CREB5: variants seen among roughly 807,000 people sequenced by gnomAD.
CREB5 encodes the protein cyclic AMP-responsive element-binding protein 5.
A neutral mutation model predicts 57.1 loss-of-function variants in CREB5; 19 were observed. That is an observed-to-expected ratio of 0.33 (90% CI 0.23 to 0.49). The LOEUF is 0.49. Ranked by LOEUF, CREB5 falls within the 20% of genes least tolerant of loss-of-function variation. CREB5 has a pLI of 0.99. For missense variants in CREB5, 579 were observed against 671.6 expected, an observed-to-expected ratio of 0.86 and a Z score of 1.52; for synonymous variants, 238 against 238.3, an observed-to-expected ratio of 1.00 and a Z score of 0.01.
At chr7:28,510,277 T>G (rs1000597216) in intron 4 of CREB5, among the ~76,000 whole-genome samples, 3 of 152,234 alleles carry the variant, frequency 2.0e-5, no homozygotes, top group African/African-American at 4.8e-5. Flanking sequence ...TATCATTTTT[T>G]AGTATTCTTT....
At chr7:28,551,841 C>CTTTG (rs755343423) in intron 4 of CREB5, among the ~76,000 whole-genome samples, 12,855 of 146,996 alleles carry the variant, frequency 0.087, 652 homozygotes, top group South Asian at 0.14. Context: ...TTCTTTCTTT[C>CTTTG]TTTTTCTTTC....
intron 1 of CREB5, among the ~76,000 whole-genome samples, chr7:28,339,358 G>C (rs1429543151): frequency 6.6e-6 from 1 of 152,206 alleles, no homozygotes; most frequent in Non-Finnish European, 1.5e-5. Context: ...CTCAAGCCCA[G>C]TAACACTACG....
intron 1 of CREB5, among the ~76,000 whole-genome samples, chr7:28,386,939 G>T (rs924483203): frequency 4.6e-5 from 7 of 152,094 alleles, no homozygotes; most frequent in African/African-American, 1.7e-4. Flanking sequence ...AGTATTCCAT[G>T]GTGTGTATAT....
intron 1 of CREB5, among the ~76,000 whole-genome samples, chr7:28,326,203 A>G (rs1048367254): frequency 7.6e-6 from 1 of 131,752 alleles, no homozygotes; most frequent in Non-Finnish European, 1.8e-5. Flanking sequence ...CTATCTATCT[A>G]TCTATCTACC....
At chr7:28,702,759 T>C (rs1431633918) in intron 5 of CREB5, among the ~76,000 whole-genome samples, 1 of 152,242 alleles carries the variant, frequency 6.6e-6, no homozygotes, top group Non-Finnish European at 1.5e-5. Context: ...GGGGCCTATG[T>C]GACCCTTTAA....
chr7:28,818,804 A>G (rs1283148382), intron 10 of CREB5: 1 of 494,156 alleles, frequency 2.0e-6, no homozygotes. Context: ...GTATTTTTCC[A>G]CATTTGATAT....
chr7:28,302,418 G>T (rs113154317), intron 1 of CREB5, among the ~76,000 whole-genome samples: 2 of 152,146 alleles, frequency 1.3e-5, no homozygotes, highest in Admixed American at 6.5e-5. Context: ...GGACTTTAAT[G>T]TGTTTTTGTC....
chr7:28,371,406 T>G (rs1406512215), intron 1 of CREB5, among the ~76,000 whole-genome samples: 1 of 151,098 alleles, frequency 6.6e-6, no homozygotes, highest in Non-Finnish European at 1.5e-5. Context: ...GGAGAATAGC[T>G]TGCACCCAGG....
chr7:28,533,225 G>A (rs1793805315), intron 4 of CREB5, among the ~76,000 whole-genome samples: 1 of 152,064 alleles, frequency 6.6e-6, no homozygotes, highest in Non-Finnish European at 1.5e-5. Flanking sequence ...AAAAGAAAGA[G>A]CCAGCCTTTA....
At position 28,463,809 on chromosome 7, in the gene CREB5, C is replaced by T. The variant is rs532231925; in HGVS notation, c.4-24366C>T. ...ACACATTTGTTGGTCTCAATAGTTT[C>T]TTTTTTTAGTTGGATAATTCCTTAG... is the stretch of plus-strand genomic sequence containing the variant. On this transcript the variant is annotated intron_variant, in intron 1 of 10. Coordinates refer to ENST00000357727, the MANE Select transcript of CREB5 (RefSeq NM_182898.4). Among the ~76,000 whole-genome samples the T allele has an allele frequency of 6.6e-5, 10 of 152,122 alleles. No individual in the cohort carries two copies. In the South Asian group the frequency reaches 2.1e-3, roughly 32 times the overall value.
chr7:28,761,605 A>C (rs1805657905), intron 7 of CREB5, among the ~76,000 whole-genome samples: 1 of 152,186 alleles, frequency 6.6e-6, no homozygotes, highest in Admixed American at 6.5e-5. Flanking sequence ...TACCAATATC[A>C]GAAATGCAAA....
At chr7:28,720,682 A>G (rs762828408) in intron 6 of CREB5, among the ~76,000 whole-genome samples, 8 of 152,162 alleles carry the variant, frequency 5.3e-5, no homozygotes, top group Non-Finnish European at 1.0e-4. Context: ...GACTTTACCT[A>G]TGTTGCTCTC....
chr7:28,697,249 G>C (rs1801624040), intron 5 of CREB5, among the ~76,000 whole-genome samples: 1 of 152,118 alleles, frequency 6.6e-6, no homozygotes, highest in African/African-American at 2.4e-5. Context: ...AGTGCAGTCA[G>C]CATTGGAAAC....
At chr7:28,664,299 T>G (rs1266033032) in intron 5 of CREB5, among the ~76,000 whole-genome samples, 1 of 152,232 alleles carries the variant, frequency 6.6e-6, no homozygotes, top group Non-Finnish European at 1.5e-5. Flanking sequence ...TTGATTAGCT[T>G]GAAGAGCCAA....
chr7:28,675,646 C>G (rs1178566229), intron 5 of CREB5, among the ~76,000 whole-genome samples: 1 of 152,148 alleles, frequency 6.6e-6, no homozygotes, highest in Non-Finnish European at 1.5e-5. Context: ...GTTAAAATAA[C>G]AGAAACTTTG....
intron 5 of CREB5, among the ~76,000 whole-genome samples, chr7:28,595,845 G>A (rs1796674967): frequency 1.3e-5 from 2 of 152,052 alleles, no homozygotes; most frequent in African/African-American, 4.8e-5. Flanking sequence ...AAATCAGAGG[G>A]GCCAGGCCAG....
At chr7:28,405,245 G>T (rs1787553843) in intron 1 of CREB5, among the ~76,000 whole-genome samples, 1 of 152,060 alleles carries the variant, frequency 6.6e-6, no homozygotes, top group African/African-American at 2.4e-5. Flanking sequence ...CCACAAAATG[G>T]GCTTCAGCAG....
intron 1 of CREB5, among the ~76,000 whole-genome samples, chr7:28,477,782 C>CT (rs1301454958): frequency 1.3e-5 from 2 of 152,084 alleles, no homozygotes; most frequent in Non-Finnish European, 2.9e-5. Flanking sequence ...ATATGAAGGA[C>CT]TTTTCTAGTC....
intron 5 of CREB5, among the ~76,000 whole-genome samples, chr7:28,663,115 A>T (rs1799675730): frequency 6.8e-6 from 1 of 148,016 alleles, no homozygotes; most frequent in African/African-American, 2.5e-5. Flanking sequence ...ACTGCACTCC[A>T]GCCTGGGTGA....
Sources: allele counts gnomAD v4.1 joint callset (sites outside exome capture counted in the v4.1 genomes callset), GRCh38; gene constraint gnomAD v4.1.1; transcripts MANE v1.5; gene names NCBI Gene and HGNC (gene_info 2026-07-23, HGNC 2026-07-21).